Variants in OR6T1 observed in about 807,000 individuals in gnomAD.
OR6T1 encodes olfactory receptor family 6 subfamily T member 1, also known as olfactory receptor 6T1.
For missense variants in OR6T1, 389 were observed against 390.5 expected (o/e 1.00, Z 0.03); for synonymous variants, 179 against 159.1 (o/e 1.13, Z -0.94).
At position 123,943,330 on chromosome 11, in the gene OR6T1, C is replaced by T. The variant is rs1863485480; in HGVS notation, c.509G>A (p.Gly170Asp). The change falls in exon 1 of 1, where the codon GGC becomes GAC. Residue 170 changes from glycine (G) to aspartate (D), a missense_variant. Coordinates refer to ENST00000321252, the MANE Select transcript of OR6T1 (RefSeq NM_001005187.1). The stretch of plus-strand genomic sequence containing the variant: ...AAAGAAGTGGTCAATACCATTGGGG[C>T]CACAGAAAGGCAGGCTGGCCATGAG... ...TVLMASLPFC[G>D]PNGIDHFFRD... 1.2e-6 allele frequency: 2 copies of T among 1,614,138 alleles called. No individual in the cohort carries two copies. The highest frequency in any genetic ancestry group is 4.5e-5 in the East Asian group (2 of 44,870).
At position 123,943,726 on chromosome 11, in the gene OR6T1, G is replaced by T. The variant is rs746823079; in HGVS notation, c.113C>A (p.Thr38Lys). 6.2e-7 allele frequency: 1 copy of T among 1,614,168 alleles called. No individual in the cohort carries two copies. Among genetic ancestry groups the T allele is most frequent in the South Asian group, 1.1e-5 (1 of 91,086 alleles). The stretch of plus-strand genomic sequence containing the variant: ...AATAATTAGCAGCTTGCCTGTGGCT[G>T]TTACAATGTAGGTCACCATTAACCC... ...FLGLMVTYIV[T>K]ATGKLLIIVL... The change falls in exon 1 of 1, where the codon ACA (threonine) becomes AAA (lysine). Residue 38 changes from threonine (T) to lysine (K), a missense_variant. Physicochemically the swap from Thr to Lys is moderately conservative, Grantham distance 78 (BLOSUM62 -1). Coordinates refer to ENST00000321252, the MANE Select transcript of OR6T1 (RefSeq NM_001005187.1).
rs1863489665 is a variant in OR6T1 at position 123,943,605 on chromosome 11, A to G, written c.234T>C (p.Val78=). The G allele has an allele frequency of 6.2e-7, 1 of 1,614,104 alleles. No homozygotes were observed. The highest frequency in any genetic ancestry group is 1.3e-5 in the African/African-American group (1 of 74,944). Residue 78 remains valine, a synonymous_variant, in exon 1 of 1, where the codon GTT becomes GTC. Coordinates refer to ENST00000321252, the MANE Select transcript of OR6T1 (RefSeq NM_001005187.1). ...FLELLLVTVV[V]PKMLVVILTG... ...TGAGGATGACGACAAGCATCTTGGGAACCACAACAGTTACCAGCAACAGCT... is the reference window on the plus strand; with the variant it reads ...TGAGGATGACGACAAGCATCTTGGGGACCACAACAGTTACCAGCAACAGCT...
Position 123,943,385 on chromosome 11 carries a change from C to T in OR6T1, c.454G>A (p.Gly152Arg), listed in dbSNP as rs201484077. ...GTGGGGCAAAGGACCCAGAGGAATCCAGCTAGCCAGGAGGCCAGCACTAGT... is the reference window on the plus strand; with the variant it reads ...GTGGGGCAAAGGACCCAGAGGAATCTAGCTAGCCAGGAGGCCAGCACTAGT... ...SQLVLASWLA[G>R]FLWVLCPTVL... The change falls in exon 1 of 1, where the codon GGA becomes AGA. Residue 152 changes from glycine (G) to arginine (R), a missense_variant. Physicochemically the swap from Gly to Arg is moderately radical, Grantham distance 125 (BLOSUM62 -2). Coordinates refer to ENST00000321252, the MANE Select transcript of OR6T1 (RefSeq NM_001005187.1). The T allele has an allele frequency of 1.7e-5, 27 of 1,614,192 alleles. No homozygotes were observed. The highest frequency in any genetic ancestry group is 2.2e-5 in the Non-Finnish European group (26 of 1,180,044).
At position 123,943,123 on chromosome 11, in the gene OR6T1, G is replaced by T; in HGVS notation, c.716C>A (p.Ser239Tyr). 4 of 1,614,204 alleles carry T rather than the reference G, an allele frequency of 2.5e-6. No individual in the cohort carries two copies. Among genetic ancestry groups the T allele is most frequent in the Non-Finnish European group, 3.4e-6 (4 of 1,180,030 alleles). The part of the protein sequence containing the change: ...PTAAERRKAF[S>Y]TCASHLTVVV... ...CACTGTAAGATGCGAGGCGCAAGTG[G>T]AAAACGCTTTCCTTCGCTCAGCAGC... The change falls in exon 1 of 1, where the codon TCC becomes TAC. Residue 239 changes from serine (S) to tyrosine (Y), a missense_variant. Physicochemically the swap from Ser to Tyr is moderately radical, Grantham distance 144. Transcript: ENST00000321252.
chr11:123,943,286 G>A lies in OR6T1; in HGVS notation c.553C>T (p.Leu185Phe), dbSNP rs1184142104. 10 of 1,614,050 alleles carry A rather than the reference G, an allele frequency of 6.2e-6. No homozygotes were observed. Among genetic ancestry groups the A allele is most frequent in the South Asian group, 1.1e-5 (1 of 91,082 alleles). Residue 185 changes from leucine (L) to phenylalanine (F), a missense_variant, in exon 1 of 1, where the codon CTC becomes TTC. Transcript: ENST00000321252. ...DHFFRDSWPL[L>F]RLSCGDTHLL... ...TGGGTGTCCCCACAAGAAAGCCTGA[G>A]CAAGGGCCAACTGTCACGAAAGAAG...
Position 123,943,557 on chromosome 11 carries a change from A to G in OR6T1, c.282T>C (p.Phe94=), listed in dbSNP as rs1227589537. 1 of 1,614,242 alleles carries G rather than the reference A, an allele frequency of 6.2e-7. No homozygotes were observed. Among genetic ancestry groups the G allele is most frequent in the Non-Finnish European group, 8.5e-7 (1 of 1,180,044 alleles). ...VILTGDHTIS[F]VSCIIQSYLY... ...GGTAGGACTGGATGATGCAGCTGAC[A>G]AATGAGATGGTGTGATCCCCCGTGA... The change falls in exon 1 of 1, where the codon TTT becomes TTC. Residue 94 remains phenylalanine, a synonymous_variant. Coordinates refer to ENST00000321252, the MANE Select transcript of OR6T1 (RefSeq NM_001005187.1).
In OR6T1 at chr11:123,943,509, A is replaced by G. The variant is rs1863488160; in HGVS notation, c.330T>C (p.Thr110=). 1.2e-6 allele frequency: 2 copies of G among 1,614,060 alleles called. No individual in the cohort carries two copies. Among genetic ancestry groups the G allele is most frequent in the African/African-American group, 2.7e-5 (2 of 74,954 alleles). The change falls in exon 1 of 1, where the codon ACT becomes ACC. Residue 110 remains threonine (T), a synonymous_variant. Coordinates refer to ENST00000321252, the MANE Select transcript of OR6T1 (RefSeq NM_001005187.1). Reference sequence around the variant, plus strand: ...ACATGACGGCCAAGAGGAAGAAGTCAGTGGTGCCTAGAAAGAAGTAGAGGT... The same window carrying G: ...ACATGACGGCCAAGAGGAAGAAGTCGGTGGTGCCTAGAAAGAAGTAGAGGT... ...QSYLYFFLGT[T]DFFLLAVMSL...
the OR6T1 span, chr11:123,943,082 C>CT: frequency 1.2e-6 from 2 of 1,614,034 alleles, no homozygotes; most frequent in Non-Finnish European, 1.7e-6. Flanking sequence ...ATGGAACTGC[C>CT]ATAGATGATG....
At position 123,942,945 on chromosome 11, in the gene OR6T1, C is replaced by T. The variant is rs1863478776; in HGVS notation, c.894G>A (p.Gln298=). 4 of 1,614,162 alleles carry T rather than the reference C, an allele frequency of 2.5e-6. No homozygotes were observed. The African/African-American group carries it at 4.0e-5, about 16-fold the overall frequency. Residue 298 remains glutamine (Q), a synonymous_variant, in exon 1 of 1, where the codon CAG becomes CAA. Coordinates refer to ENST00000321252, the MANE Select transcript of OR6T1 (RefSeq NM_001005187.1). ...FIFTLRNDKV[Q]QALREALGWP... ...ACCCCAAGGCTTCTCTCAGTGCTTG[C>T]TGCACCTTGTCATTGCGGAGAGTGA...
In OR6T1 at chr11:123,943,340, G is replaced by T; in HGVS notation, c.499C>A (p.Pro167Thr). ...LCPTVLMASLPFCGPNGIDHF... is the reference protein window; with the variant it reads ...LCPTVLMASLTFCGPNGIDHF... Reference sequence around the variant, plus strand: ...TCAATACCATTGGGGCCACAGAAAGGCAGGCTGGCCATGAGGACAGTGGGG... The same window carrying T: ...TCAATACCATTGGGGCCACAGAAAGTCAGGCTGGCCATGAGGACAGTGGGG... Residue 167 changes from proline to threonine, a missense_variant, in exon 1 of 1, where the codon CCT becomes ACT. By Grantham distance (38) the Pro-to-Thr change is conservative. Coordinates refer to ENST00000321252, the MANE Select transcript of OR6T1 (RefSeq NM_001005187.1). The T allele has an allele frequency of 1.9e-6, 3 of 1,614,166 alleles. No homozygotes were observed. The highest frequency in any genetic ancestry group is 1.1e-5 in the South Asian group (1 of 91,078).
the OR6T1 span, chr11:123,943,748 AC>A: frequency 6.2e-7 from 1 of 1,614,126 alleles, no homozygotes; most frequent in South Asian, 1.1e-5. Flanking sequence ...GTCACCATTA[AC>A]CCCAGGAACA....
rs752172734 is a variant in OR6T1, at chr11:123,943,142, C to G, written c.697G>C (p.Glu233Gln). Residue 233 changes from glutamate (E) to glutamine (Q), a missense_variant, in exon 1 of 1, where the codon GAG becomes CAG. Physicochemically the swap from Glu to Gln is conservative, Grantham distance 29 (BLOSUM62 2). Coordinates refer to ENST00000321252, the MANE Select transcript of OR6T1 (RefSeq NM_001005187.1). Reference sequence around the variant, plus strand: ...CAAGTGGAAAACGCTTTCCTTCGCTCAGCAGCTGTAGGGGCCCTGAGAACA... The same window carrying G: ...CAAGTGGAAAACGCTTTCCTTCGCTGAGCAGCTGTAGGGGCCCTGAGAACA... ...ATVLRAPTAA[E>Q]RRKAFSTCAS... The G allele has an allele frequency of 3.7e-6, 6 of 1,614,072 alleles. No individual in the cohort carries two copies. Among genetic ancestry groups the G allele is most frequent in the Non-Finnish European group, 4.2e-6 (5 of 1,180,042 alleles).
At position 123,943,679 on chromosome 11, in the gene OR6T1, G is replaced by A. The variant is rs143608253; in HGVS notation, c.160C>T (p.Arg54Cys). The change falls in exon 1 of 1, where the codon CGC (arginine) becomes TGC (cysteine). Residue 54 changes from arginine (R) to cysteine (C), a missense_variant. Arg to Cys is a radical substitution (Grantham distance 180, BLOSUM62 -3). Transcript: ENST00000321252. ...LIIVLSWIDQ[R>C]LHIQMYFFLR... ...AAGAAGTACATCTGTATGTGCAGGC[G>A]TTGGTCTATCCAGCTGAGCACAATA... 42 of 1,614,010 alleles carry A rather than the reference G, an allele frequency of 2.6e-5. No individual in the cohort carries two copies. The highest frequency in any genetic ancestry group is 6.7e-5 in the East Asian group (3 of 44,898).
rs540358949 is a variant in OR6T1, at chr11:123,942,881, T to C, written c.958A>G (p.Ser320Gly). ...LTAVMKLRVTSQRK is the reference protein window; with the variant it reads ...LTAVMKLRVTGQRK ...ATTTAATAAGATCATTTCCTTTGACTTGTGACCCTCAGTTTCATCACAGCA... is the reference window on the plus strand; with the variant it reads ...ATTTAATAAGATCATTTCCTTTGACCTGTGACCCTCAGTTTCATCACAGCA... The change falls in exon 1 of 1, where the codon AGT becomes GGT. Residue 320 changes from serine (S) to glycine (G), a missense_variant. Physicochemically the swap from Ser to Gly is moderately conservative, Grantham distance 56. Transcript: ENST00000321252. 6.2e-7 allele frequency: 1 copy of C among 1,613,566 alleles called. No individual in the cohort carries two copies. Among genetic ancestry groups the C allele is most frequent in the Admixed American group, 1.7e-5 (1 of 59,940 alleles).
chr11:123,943,229 T>TAG, the OR6T1 span: 1 of 1,614,052 alleles, frequency 6.2e-7, no homozygotes, highest in South Asian at 1.1e-5. Context: ...AACACCAACG[T>TAG]AGAGAGCATG....
Position 123,943,341 on chromosome 11 carries a change from C to A in OR6T1, c.498G>T (p.Leu166=), listed in dbSNP as rs1397372526. Reference sequence around the variant, plus strand: ...CAATACCATTGGGGCCACAGAAAGGCAGGCTGGCCATGAGGACAGTGGGGC... The same window carrying A: ...CAATACCATTGGGGCCACAGAAAGGAAGGCTGGCCATGAGGACAGTGGGGC... ...VLCPTVLMAS[L]PFCGPNGIDH... The change falls in exon 1 of 1, where the codon CTG becomes CTT. Residue 166 remains leucine, a synonymous_variant. Transcript: ENST00000321252. 1 of 1,614,026 alleles carries A rather than the reference C, an allele frequency of 6.2e-7. No individual in the cohort carries two copies. The highest frequency in any genetic ancestry group is 1.3e-5 in the African/African-American group (1 of 74,918).
rs1033397247 is a variant in OR6T1 at position 123,943,504 on chromosome 11, A to G, written c.335T>C (p.Phe112Ser). Reference sequence around the variant, plus strand: ...CAGAGACATGACGGCCAAGAGGAAGAAGTCAGTGGTGCCTAGAAAGAAGTA... The same window carrying G: ...CAGAGACATGACGGCCAAGAGGAAGGAGTCAGTGGTGCCTAGAAAGAAGTA... ...YLYFFLGTTD[F>S]FLLAVMSLDR... is the part of the protein sequence containing the mutation. Residue 112 changes from phenylalanine to serine, a missense_variant, in exon 1 of 1, where the codon TTC (phenylalanine) becomes TCC (serine). Physicochemically the swap from Phe to Ser is radical, Grantham distance 155 (BLOSUM62 -2). Coordinates refer to ENST00000321252, the MANE Select transcript of OR6T1 (RefSeq NM_001005187.1). 3 of 1,614,146 alleles carry G rather than the reference A, an allele frequency of 1.9e-6. No individual in the cohort carries two copies. The highest frequency in any genetic ancestry group is 1.7e-5 in the Admixed American group (1 of 60,010).
chr11:123,943,026 G>A lies in OR6T1; in HGVS notation c.813C>T (p.Asn271=), dbSNP rs779665375. 3 of 1,614,042 alleles carry A rather than the reference G, an allele frequency of 1.9e-6. No homozygotes were observed. The highest frequency in any genetic ancestry group is 2.7e-5 in the African/African-American group (2 of 74,912). The change falls in exon 1 of 1, where the codon AAC becomes AAT. Residue 271 remains asparagine, a synonymous_variant. Coordinates refer to ENST00000321252, the MANE Select transcript of OR6T1 (RefSeq NM_001005187.1). ...TGCAGCTCAGGACGGAGGCACCTTT[G>A]TTGAGCAGTTTGGACTGAGCCTCTG... ...RMSEAQSKLL[N]KGASVLSCII... is the part of the protein sequence containing the mutation.
rs1174955444 is a variant in OR6T1 at position 123,943,448 on chromosome 11, GGAGTGGTCGGCA to G, written c.379_390del (p.Cys127_Leu130del). On this transcript the variant is annotated inframe_deletion, in exon 1 of 1. Coordinates refer to ENST00000321252, the MANE Select transcript of OR6T1 (RefSeq NM_001005187.1). ...TGGCCATTCATCAGGGTCTCATAGC[GGAGTGGTCGGCA>G]GATTGCCAGGTAACGATCCAGAGAC... 4 of 1,614,024 alleles carry G rather than the reference GGAGTGGTCGGCA, an allele frequency of 2.5e-6. No individual in the cohort carries two copies. Among genetic ancestry groups the G allele is most frequent in the Non-Finnish European group, 3.4e-6 (4 of 1,180,036 alleles).
Sources: allele counts gnomAD v4.1 joint callset, GRCh38; gene constraint gnomAD v4.1.1; transcripts MANE v1.5; gene names NCBI Gene and HGNC (gene_info 2026-07-23, HGNC 2026-07-21).